The following RET variants were observed in gnomAD, a reference collection of about 807,000 sequenced individuals.
The protein encoded by RET is ret proto-oncogene, also known as proto-oncogene tyrosine-protein kinase receptor Ret.
A neutral mutation model predicts 118.3 loss-of-function variants in RET; 19 were observed. The observed-to-expected ratio is 0.16, with a 90% CI of 0.11 to 0.24. The LOEUF is 0.24. Among genes scored for constraint, RET ranks in the 10% least tolerant of loss-of-function variants. The pLI is 1.00. For synonymous variants in RET, 597 were observed against 644.1 expected, an observed-to-expected ratio of 0.93 and a Z score of 1.11; for missense variants, 1,219 against 1,502.1, an observed-to-expected ratio of 0.81 and a Z score of 3.12.
chr10:43,106,812 G>GGGCC lies in RET; in HGVS notation c.1063+242_1063+245dup, dbSNP rs1837791190. Among the ~76,000 whole-genome samples the GGGCC allele has an allele frequency of 1.3e-5, 2 of 152,286 alleles. No homozygotes were observed. The highest frequency in any genetic ancestry group is 4.1e-4 in the South Asian group (2 of 4,832). ...AGCTGATCCATGGCCGACCCTGGCAGGGCCCCACCACACCCCCCTGCTGAC... is the reference window on the plus strand; with the variant it reads ...AGCTGATCCATGGCCGACCCTGGCAGGGCCGGCCCCACCACACCCCCCTGCTGAC... On this transcript the variant is annotated intron_variant, in intron 5 of 19. Coordinates refer to ENST00000355710, the MANE Select transcript of RET (RefSeq NM_020975.6). This position sits in a 1 kb window ranked among gnomAD's most constrained non-coding sequence, Gnocchi z 5.1.
Position 43,130,073 on chromosome 10 carries a change from GAATTTATCCTTGACC to G in RET, c.*1823_*1837del, listed in dbSNP as rs756385643. The G allele has an allele frequency of 1.4e-3, 563 of 398,568 alleles. 1 individual carries two copies. Among genetic ancestry groups the G allele is most frequent in the Non-Finnish European group, 9.0e-4 (203 of 226,034 alleles). The allele number at this position is 398,568 out of a possible 1,614,324, so 24.7% of individuals were successfully genotyped here. A position where few individuals can be genotyped will look rare whatever the true frequency, so the allele number is the denominator to read the frequency against. On this transcript the variant is annotated 3_prime_UTR_variant, in exon 20 of 20. Coordinates refer to ENST00000355710, the MANE Select transcript of RET (RefSeq NM_020975.6). ...TCTAAACAGCTGACCCAGTGATGGG[GAATTTATCCTTGACC>G]AATTTATCCTTGACCAATAACCTAA...
chr10:43,113,741 G>T, intron 10 of RET, 66 bp downstream of exon 10: 1 of 1,599,660 alleles, frequency 6.3e-7, no homozygotes. Context: ...CAGCACATCT[G>T]AGGTCCCAAC....
At chr10:43,127,206 C>A in intron 19 of RET, 2 of 1,083,446 alleles carry the variant, frequency 1.8e-6, no homozygotes, top group Admixed American at 4.9e-5. Context: ...AGAGGCCACC[C>A]GGCACTGGCG....
At chr10:43,097,127 C>T (rs542063539) in intron 1 of RET, among the ~76,000 whole-genome samples, 5 of 152,336 alleles carry the variant, frequency 3.3e-5, no homozygotes, top group South Asian at 2.1e-4. Context: ...CAGGAAGGCC[C>T]GTTCTCCCCT....
At chr10:43,112,373 T>G in intron 8 of RET, 149 bp downstream of exon 8, 1 of 1,221,422 alleles carries the variant, frequency 8.2e-7, no homozygotes, top group Non-Finnish European at 1.2e-6. Context: ...GATGCCAGCA[T>G]AGCGGGCAGC....
chr10:43,079,842 G>A (rs1038662694), intron 1 of RET, among the ~76,000 whole-genome samples: 2 of 152,092 alleles, frequency 1.3e-5, no homozygotes, highest in African/African-American at 4.8e-5. Context: ...TCAGGCCAGG[G>A]GTACAGCTCC....
chr10:43,081,905 C>A (rs1837192915), intron 1 of RET, among the ~76,000 whole-genome samples: 1 of 152,220 alleles, frequency 6.6e-6, no homozygotes, highest in Admixed American at 6.5e-5. Context: ...CTTCTCCTGA[C>A]CAAGGCTCTG....
chr10:43,084,201 C>T (rs1837243923), intron 1 of RET, among the ~76,000 whole-genome samples: 1 of 152,210 alleles, frequency 6.6e-6, no homozygotes, highest in Admixed American at 6.5e-5. Context: ...TTATAAATAC[C>T]TGAGTTCGTG....
chr10:43,098,375 G>A (rs980901794), intron 1 of RET, among the ~76,000 whole-genome samples: 4 of 150,880 alleles, frequency 2.7e-5, no homozygotes, highest in African/African-American at 7.3e-5. Context: ...TTAGCATAAT[G>A]TGCTCAAGGG....
intron 18 of RET, among the ~76,000 whole-genome samples, chr10:43,125,527 A>G (rs575404717): frequency 5.9e-5 from 9 of 152,326 alleles, no homozygotes; most frequent in African/African-American, 2.2e-4. Flanking sequence ...CAATTCATTT[A>G]AATTTCCCAG....
At chr10:43,121,834 C>T (rs1838224498) in intron 15 of RET, 112 bp from the exon 16 acceptor site, 5 of 807,806 alleles carry the variant, frequency 6.2e-6, no homozygotes, top group Non-Finnish European at 1.1e-5. Context: ...GGAGTGTCTA[C>T]AGCACTCCTC....
chr10:43,085,065 G>T (rs943142606), intron 1 of RET, among the ~76,000 whole-genome samples: 1 of 152,244 alleles, frequency 6.6e-6, no homozygotes, highest in Non-Finnish European at 1.5e-5. Flanking sequence ...TCAGGACAGC[G>T]GTGGATGCAC....
intron 9 of RET, 112 bp downstream of exon 9, chr10:43,113,075 C>A: frequency 1.2e-6 from 1 of 836,736 alleles, no homozygotes; most frequent in Non-Finnish European, 2.0e-6. Flanking sequence ...ATGCATCAAG[C>A]TGAGCCTCCT....
Position 43,130,289 on chromosome 10 carries a change from CT to C in RET, c.*2027del. ...AAGGTCATTAAACCAGATCATGTTCCTTTTTTTGTAATCAAGGTGACTAAGA... is the reference window on the plus strand; with the variant it reads ...AAGGTCATTAAACCAGATCATGTTCCTTTTTTGTAATCAAGGTGACTAAGA... On this transcript the variant is annotated 3_prime_UTR_variant, in exon 20 of 20. Coordinates refer to ENST00000355710, the MANE Select transcript of RET (RefSeq NM_020975.6). 1.7e-5 allele frequency: 6 copies of C among 351,144 alleles called. No homozygotes were observed. Among genetic ancestry groups the C allele is most frequent in the African/African-American group, 2.1e-5 (1 of 47,982 alleles). The allele number at this position is 351,144 out of a possible 1,614,324, so 21.8% of individuals were successfully genotyped here.
At chr10:43,081,728 C>T (rs1235868955) in intron 1 of RET, among the ~76,000 whole-genome samples, 3 of 152,182 alleles carry the variant, frequency 2.0e-5, no homozygotes, top group Non-Finnish European at 4.4e-5. Context: ...CACTGCACCC[C>T]TTGGGGCTGG....
At chr10:43,118,275 A>C in intron 12 of RET, 98 bp from the exon 13 acceptor site, 5 of 933,192 alleles carry the variant, frequency 5.4e-6, no homozygotes, top group Non-Finnish European at 8.6e-6. Flanking sequence ...CTCTGTCTGA[A>C]CTTGGGCAAG....
At chr10:43,078,181 T>C (rs1340960534) in intron 1 of RET, among the ~76,000 whole-genome samples, 1 of 152,254 alleles carries the variant, frequency 6.6e-6, no homozygotes, top group East Asian at 1.9e-4. Context: ...GCCGCAAGGC[T>C]GTGGAATCTT....
chr10:43,116,864 C>T, intron 12 of RET, 133 bp downstream of exon 12: 1 of 1,137,304 alleles, frequency 8.8e-7, no homozygotes, highest in South Asian at 1.5e-5. Context: ...TTGGGGGACC[C>T]CTACCATGGG....
At chr10:43,103,399 G>A (rs12258898) in intron 3 of RET, among the ~76,000 whole-genome samples, 3,051 of 152,218 alleles carry the variant, frequency 0.02, 108 homozygotes, top group African/African-American at 0.069. Context: ...GCCGGGATAC[G>A]GGTGGAAGCC....
Sources: gnomAD v4.1 joint callset for allele counts (sites outside exome capture counted in the v4.1 genomes callset) on GRCh38, gnomAD v4.1.1 for gene constraint, Gnocchi (gnomAD v3.1) non-coding constraint, MANE v1.5 for transcripts, NCBI Gene and HGNC (gene_info 2026-07-23, HGNC 2026-07-21) for gene names.